GRIA4: variants seen among roughly 807,000 people sequenced by gnomAD.
GRIA4 encodes the protein glutamate receptor 4.
In GRIA4, 34 loss-of-function variants were observed where a neutral mutation model predicts 104.0. The observed-to-expected ratio is 0.33, with a 90% confidence interval of 0.25 to 0.44. The LOEUF (loss-of-function observed/expected upper bound fraction) is 0.44, where lower values mean the gene tolerates loss of function less well. GRIA4 is among the 20% of genes least tolerant of loss of function. The pLI, the probability that GRIA4 is intolerant of heterozygous loss-of-function variation, is 1.00. For synonymous variants in GRIA4, 386 were observed against 381.9 expected, an observed-to-expected ratio of 1.01 and a Z score of -0.13; for missense variants, 750 against 1,096.5, an observed-to-expected ratio of 0.68 and a Z score of 4.46.
intron 14 of GRIA4, among the ~76,000 whole-genome samples, chr11:105,964,868 A>T (rs604545): frequency 1.3e-5 from 2 of 150,900 alleles, no homozygotes; most frequent in African/African-American, 4.9e-5. Flanking sequence ...GTGCAATGGC[A>T]CAATCTTGGC....
chr11:105,674,793 T>G (rs758664584), intron 3 of GRIA4, among the ~76,000 whole-genome samples: 1 of 151,886 alleles, frequency 6.6e-6, no homozygotes, highest in Non-Finnish European at 1.5e-5. Context: ...TTACTATTAC[T>G]CTCTGATAAT....
chr11:105,957,524 T>C (rs1261184257), intron 14 of GRIA4, among the ~76,000 whole-genome samples: 3 of 152,214 alleles, frequency 2.0e-5, no homozygotes, highest in African/African-American at 7.2e-5. Flanking sequence ...CCTTGTAGTA[T>C]AGTTTGAAGT....
intron 3 of GRIA4, among the ~76,000 whole-genome samples, chr11:105,630,580 C>G (rs796232224): frequency 1.3e-5 from 2 of 151,314 alleles, no homozygotes; most frequent in African/African-American, 4.9e-5. Flanking sequence ...ACAAAAAAAA[C>G]AAAACACCAA....
chr11:105,731,421 G>T (rs577674471), intron 3 of GRIA4, among the ~76,000 whole-genome samples: 54 of 152,160 alleles, frequency 3.5e-4, no homozygotes, highest in Non-Finnish European at 6.0e-4. Flanking sequence ...CTTTTACACT[G>T]TTGGTGGGAG....
At chr11:105,723,393 T>C (rs1261443940) in intron 3 of GRIA4, among the ~76,000 whole-genome samples, 2 of 152,066 alleles carry the variant, frequency 1.3e-5, no homozygotes, top group East Asian at 1.9e-4. Flanking sequence ...AAAATAAAAA[T>C]ATAAATTTTA....
At chr11:105,688,999 C>A (rs7106983) in intron 3 of GRIA4, among the ~76,000 whole-genome samples, 1 of 151,760 alleles carries the variant, frequency 6.6e-6, no homozygotes, top group South Asian at 2.1e-4. Flanking sequence ...AATACTCTGG[C>A]AGATGAAAAG....
chr11:105,833,295 T>G (rs952823491), intron 4 of GRIA4, among the ~76,000 whole-genome samples: 1 of 151,988 alleles, frequency 6.6e-6, no homozygotes, highest in Non-Finnish European at 1.5e-5. Context: ...TCTCCCTCCA[T>G]CTCTCTCATA....
At chr11:105,652,854 A>T (rs1298211563) in intron 3 of GRIA4, among the ~76,000 whole-genome samples, 1 of 152,132 alleles carries the variant, frequency 6.6e-6, no homozygotes, top group Non-Finnish European at 1.5e-5. Context: ...TCACAGATGG[A>T]AGATTTGTTC....
rs150702681 is a variant in GRIA4 at position 105,745,225 on chromosome 11, T to C, written c.248-7756T>C. ...AGGCTACATATGTTAAAATTCTTTA[T>C]AAAGTTCTTTATGAAACATCTATGT... On this transcript the variant is annotated intron_variant, in intron 3 of 16. Coordinates refer to ENST00000282499, the MANE Select transcript of GRIA4 (RefSeq NM_000829.4). Among the ~76,000 whole-genome samples the C allele has an allele frequency of 1.3e-3, 198 of 152,334 alleles. 2 individuals are homozygous for C. The highest frequency in any genetic ancestry group is 1.2e-3 in the Non-Finnish European group (82 of 68,020).
chr11:105,904,472 C>G (rs974818044), intron 8 of GRIA4, among the ~76,000 whole-genome samples: 3 of 152,128 alleles, frequency 2.0e-5, no homozygotes, highest in African/African-American at 7.2e-5. Flanking sequence ...GCCTAGCTAA[C>G]CACAAGGGGT....
chr11:105,632,185 A>C (rs943031801), intron 3 of GRIA4, among the ~76,000 whole-genome samples: 7 of 152,210 alleles, frequency 4.6e-5, no homozygotes, highest in Non-Finnish European at 5.9e-5. Flanking sequence ...GAGAATAAAG[A>C]GGATAGACAC....
At chr11:105,649,936 A>G (rs1237469296) in intron 3 of GRIA4, among the ~76,000 whole-genome samples, 1 of 152,112 alleles carries the variant, frequency 6.6e-6, no homozygotes, top group East Asian at 1.9e-4. Context: ...ATAATACACT[A>G]AAGAAATGAT....
chr11:105,720,057 G>A (rs1480891451), intron 3 of GRIA4, among the ~76,000 whole-genome samples: 1 of 150,792 alleles, frequency 6.6e-6, no homozygotes, highest in Admixed American at 6.6e-5. Context: ...TACCTCTTCT[G>A]CTTGTCTGCA....
At chr11:105,798,220 A>T (rs1200713856) in intron 4 of GRIA4, among the ~76,000 whole-genome samples, 1 of 152,170 alleles carries the variant, frequency 6.6e-6, no homozygotes, top group Non-Finnish European at 1.5e-5. Flanking sequence ...AACATAAGTA[A>T]AGCAGGGAAC....
intron 3 of GRIA4, among the ~76,000 whole-genome samples, chr11:105,708,986 A>G (rs940680584): frequency 6.6e-6 from 1 of 152,118 alleles, no homozygotes; most frequent in Admixed American, 6.6e-5. Context: ...TCCAGTAATG[A>G]TGAACACACT....
At chr11:105,735,085 A>C (rs1049517645) in intron 3 of GRIA4, among the ~76,000 whole-genome samples, 3 of 152,320 alleles carry the variant, frequency 2.0e-5, no homozygotes, top group East Asian at 1.9e-4. Context: ...AGTACCTAAA[A>C]TACAATACGC....
At chr11:105,772,341 A>C (rs1367494864) in intron 4 of GRIA4, among the ~76,000 whole-genome samples, 2 of 152,174 alleles carry the variant, frequency 1.3e-5, no homozygotes, top group African/African-American at 4.8e-5. Flanking sequence ...GATATGTTCC[A>C]TAGATTGAGG....
At chr11:105,756,929 T>A (rs1026776438) in intron 4 of GRIA4, among the ~76,000 whole-genome samples, 1 of 152,138 alleles carries the variant, frequency 6.6e-6, no homozygotes, top group African/African-American at 2.4e-5. Flanking sequence ...AACAGCTAAC[T>A]GTGTCTTTGG....
chr11:105,911,612 T>G (rs181103795), intron 10 of GRIA4, among the ~76,000 whole-genome samples: 4 of 151,126 alleles, frequency 2.6e-5, no homozygotes, highest in African/African-American at 7.3e-5. Flanking sequence ...CCTTCATATG[T>G]TGTACTTAGT....
Sources: allele counts gnomAD v4.1 joint callset (sites outside exome capture counted in the v4.1 genomes callset), GRCh38; gene constraint gnomAD v4.1.1; transcripts MANE v1.5; gene names NCBI Gene and HGNC (gene_info 2026-07-23, HGNC 2026-07-21).